LRRC4C: variants seen among roughly 807,000 people sequenced by gnomAD.
The protein encoded by LRRC4C is leucine rich repeat containing 4C, also known as leucine-rich repeat-containing protein 4C.
In LRRC4C, 5 loss-of-function variants were observed where a neutral mutation model predicts 33.6. The ratio of observed to expected loss-of-function variants is 0.15; its 90% CI spans 0.08 to 0.31. The LOEUF (loss-of-function observed/expected upper bound fraction) is 0.31, where lower values mean the gene tolerates loss of function less well. Among genes scored for constraint, LRRC4C ranks in the 10% least tolerant of loss-of-function variants. The pLI is 1.00. For synonymous variants in LRRC4C, 329 were observed against 302.0 expected (o/e 1.09, Z -0.93); for missense variants, 560 against 796.7 (o/e 0.70, Z 3.58).
Position 41,341,304 on chromosome 11 carries a change from A to G in LRRC4C, c.-496+118127T>C, listed in dbSNP as rs1951630106. On this transcript the variant is annotated intron_variant, in intron 1 of 6. Transcript: ENST00000528697. ...TTCGATTAAAAAAACTAAAAAATAG[A>G]TCATCAGAGACTCATCTGAGAGAAG... Among the ~76,000 whole-genome samples the G allele has an allele frequency of 2.0e-5, 3 of 152,154 alleles. No homozygotes were observed. The South Asian group carries it at 6.2e-4, about 31-fold the overall frequency.
chr11:40,260,802 A>G (rs1458054447), intron 4 of LRRC4C, among the ~76,000 whole-genome samples: 1 of 152,142 alleles, frequency 6.6e-6, no homozygotes, highest in Non-Finnish European at 1.5e-5. Context: ...AAATTAATTC[A>G]ATCTCTTTCA....
At chr11:40,457,729 T>C in intron 3 of LRRC4C, among the ~76,000 whole-genome samples, 1 of 152,174 alleles carries the variant, frequency 6.6e-6, no homozygotes, top group Admixed American at 6.6e-5. Flanking sequence ...CTTTCCTAGC[T>C]TGGACACTAA....
intron 4 of LRRC4C, among the ~76,000 whole-genome samples, chr11:40,269,870 C>T (rs931612046): frequency 2.0e-5 from 3 of 152,050 alleles, no homozygotes; most frequent in Non-Finnish European, 4.4e-5. Flanking sequence ...AAACATCTGG[C>T]TAATAAGTCT....
chr11:40,452,853 A>T (rs907707278), intron 3 of LRRC4C, among the ~76,000 whole-genome samples: 5 of 152,176 alleles, frequency 3.3e-5, no homozygotes, highest in African/African-American at 9.7e-5. Context: ...ATGCAGCCAT[A>T]AAAAATGATG....
At chr11:40,212,462 A>C (rs1327142887) in intron 5 of LRRC4C, among the ~76,000 whole-genome samples, 4 of 112,760 alleles carry the variant, frequency 3.5e-5, no homozygotes, top group Non-Finnish European at 6.4e-5. Flanking sequence ...AGACAAACAC[A>C]AGCAAAATTA....
At chr11:40,542,102 T>G (rs1483338500) in intron 3 of LRRC4C, among the ~76,000 whole-genome samples, 2 of 151,964 alleles carry the variant, frequency 1.3e-5, no homozygotes, top group African/African-American at 2.4e-5. Flanking sequence ...TTTCTCTCTT[T>G]TTTTCTTCTC....
At chr11:40,695,683 A>G (rs568264349) in intron 2 of LRRC4C, among the ~76,000 whole-genome samples, 103 of 152,106 alleles carry the variant, frequency 6.8e-4, no homozygotes, top group Middle Eastern at 6.8e-3. Context: ...TAGCACCTAG[A>G]GGCTGCCTGT....
intron 2 of LRRC4C, among the ~76,000 whole-genome samples, chr11:40,729,072 C>A (rs972936455): frequency 1.3e-5 from 2 of 152,044 alleles, no homozygotes; most frequent in East Asian, 3.9e-4. Flanking sequence ...GAAGCTTAAA[C>A]CTCAGCATCA....
chr11:40,186,776 T>C (rs541698838), intron 5 of LRRC4C, among the ~76,000 whole-genome samples: 9 of 152,184 alleles, frequency 5.9e-5, no homozygotes, highest in Non-Finnish European at 7.3e-5. Context: ...AAAGCCTGCC[T>C]CTCTCTGACA....
At chr11:40,367,009 T>A (rs1178263692) in intron 3 of LRRC4C, among the ~76,000 whole-genome samples, 1 of 152,068 alleles carries the variant, frequency 6.6e-6, no homozygotes, top group East Asian at 1.9e-4. Context: ...GAAATGCAGC[T>A]CCTTTCAGAA....
chr11:40,155,867 C>T (rs1590554315), intron 5 of LRRC4C, among the ~76,000 whole-genome samples: 1 of 152,238 alleles, frequency 6.6e-6, no homozygotes, highest in East Asian at 1.9e-4. Flanking sequence ...CAGCATCACC[C>T]TAATACCAAA....
intron 5 of LRRC4C, among the ~76,000 whole-genome samples, chr11:40,190,176 T>C (rs1375110712): frequency 6.6e-6 from 1 of 152,170 alleles, no homozygotes; most frequent in Non-Finnish European, 1.5e-5. Context: ...GAGATTTTGA[T>C]GAAAATGGGA....
chr11:41,005,908 G>C (rs1854717392), intron 1 of LRRC4C, among the ~76,000 whole-genome samples: 1 of 151,940 alleles, frequency 6.6e-6, no homozygotes, highest in African/African-American at 2.4e-5. Flanking sequence ...AATGTTTCCT[G>C]GTCCCTTCAG....
intron 3 of LRRC4C, among the ~76,000 whole-genome samples, chr11:40,387,087 C>T (rs1055483295): frequency 6.6e-6 from 1 of 151,976 alleles, no homozygotes; most frequent in African/African-American, 2.4e-5. Context: ...ATTCTGCATT[C>T]GATTGTAGGA....
intron 3 of LRRC4C, among the ~76,000 whole-genome samples, chr11:40,367,499 T>G (rs1948262180): frequency 6.6e-6 from 1 of 152,058 alleles, no homozygotes. Context: ...CTTATTTTTT[T>G]CACAATGCAA....
intron 3 of LRRC4C, among the ~76,000 whole-genome samples, chr11:40,600,533 GC>G (rs1449219295): frequency 6.6e-6 from 1 of 152,072 alleles, no homozygotes; most frequent in African/African-American, 2.4e-5. Context: ...AGTATCCCTG[GC>G]TCTCTACACA....
chr11:40,943,090 G>A (rs1377985681), intron 1 of LRRC4C, among the ~76,000 whole-genome samples: 1 of 152,122 alleles, frequency 6.6e-6, no homozygotes, highest in Non-Finnish European at 1.5e-5. Flanking sequence ...TTTCTTAAAT[G>A]CAGGTAATAA....
chr11:41,123,256 G>GTTTTTT lies in LRRC4C; in HGVS notation c.-495-189534_-495-189533insAAAAAA, dbSNP rs1456350828. ...AAATGCTTTCTCTATCCTGAGCTAT[G>GTTTTTT]TTTTGTTTTTTTTTTTTTTTTTTTT... is the stretch of plus-strand genomic sequence containing the variant. On this transcript the variant is annotated intron_variant, in intron 1 of 6. Coordinates refer to ENST00000528697, the MANE Select transcript of LRRC4C (RefSeq NM_001258419.2). Among the ~76,000 whole-genome samples the GTTTTTT allele has an allele frequency of 6.1e-3, 656 of 107,028 alleles. 71 individuals are homozygous for GTTTTTT. The highest frequency in any genetic ancestry group is 0.015 in the African/African-American group (381 of 25,288). 70.2% of individuals were successfully genotyped at this position (107,028 alleles called of 152,430 possible). A position where few individuals can be genotyped will look rare whatever the true frequency, so the allele number is the denominator to read the frequency against.
In LRRC4C at chr11:40,754,468, C is replaced by G. The variant is rs146206179; in HGVS notation, c.-406-106190G>C. ...ATTTAGGCCCCTAAGCTGGGGCTCA[C>G]AGTTCTCCAGCGTAGAGAGAGGGTT... On this transcript the variant is annotated intron_variant, in intron 2 of 6. Coordinates refer to ENST00000528697, the MANE Select transcript of LRRC4C (RefSeq NM_001258419.2). Among the ~76,000 whole-genome samples the G allele has an allele frequency of 9.5e-3, 1,440 of 152,168 alleles. 64 individuals carry two copies. The highest frequency in any genetic ancestry group is 0.086 in the Admixed American group (1,313 of 15,248).
Sources: allele counts gnomAD v4.1 joint callset (sites outside exome capture counted in the v4.1 genomes callset), GRCh38; gene constraint gnomAD v4.1.1; transcripts MANE v1.5; gene names NCBI Gene and HGNC (gene_info 2026-07-23, HGNC 2026-07-21).